The following GRID2 variants were observed in gnomAD, a reference collection of about 807,000 sequenced individuals.
GRID2 encodes the protein glutamate receptor ionotropic, delta-2.
GRID2 carries 33 observed loss-of-function variants against 114.8 expected under a neutral mutation model. That is an observed-to-expected ratio of 0.29 (90% CI 0.22 to 0.38). The LOEUF is 0.38. GRID2 is among the 10% of genes least tolerant of loss of function. GRID2 has a pLI of 1.00. For synonymous variants in GRID2, 505 were observed against 449.9 expected (o/e 1.12, Z -1.55); for missense variants, 1,184 against 1,257.7 (o/e 0.94, Z 0.89).
chr4:93,659,182 AAAC>A (rs1434895476), intron 14 of GRID2, among the ~76,000 whole-genome samples: 3 of 152,150 alleles, frequency 2.0e-5, no homozygotes, highest in Non-Finnish European at 4.4e-5. Context: ...AAAGTGCCAA[AAAC>A]TGGAAGTAAA....
intron 4 of GRID2, among the ~76,000 whole-genome samples, chr4:93,152,256 T>A (rs980113531): frequency 1.1e-4 from 17 of 152,284 alleles, no homozygotes; most frequent in Non-Finnish European, 2.1e-4. Context: ...TGTTTACTAA[T>A]TTTAAAGTAG....
chr4:92,336,867 C>T (rs1192428150), intron 1 of GRID2, among the ~76,000 whole-genome samples: 1 of 151,828 alleles, frequency 6.6e-6, no homozygotes, highest in Admixed American at 6.6e-5. Flanking sequence ...AAACATCACA[C>T]CCATCATGCC....
At chr4:92,576,491 C>T (rs1447972244) in intron 1 of GRID2, among the ~76,000 whole-genome samples, 1 of 152,126 alleles carries the variant, frequency 6.6e-6, no homozygotes, top group Non-Finnish European at 1.5e-5. Context: ...TGGCACTGCT[C>T]GGCTCCCTGG....
intron 1 of GRID2, among the ~76,000 whole-genome samples, chr4:92,315,616 T>G (rs2110116271): frequency 6.6e-6 from 1 of 152,266 alleles, no homozygotes; most frequent in South Asian, 2.1e-4. Flanking sequence ...TGTCATTGAT[T>G]GACTTAGTAT....
chr4:93,569,723 C>T (rs552361861), intron 13 of GRID2, among the ~76,000 whole-genome samples: 2 of 152,210 alleles, frequency 1.3e-5, no homozygotes, highest in South Asian at 2.1e-4. Context: ...TTCCTTCAGC[C>T]GCACTGGTCT....
At chr4:92,368,285 G>A (rs914661917) in intron 1 of GRID2, among the ~76,000 whole-genome samples, 1 of 152,082 alleles carries the variant, frequency 6.6e-6, no homozygotes, top group African/African-American at 2.4e-5. Flanking sequence ...TCAGGACCTA[G>A]AGTTGTCCTT....
At chr4:92,765,187 T>C (rs1738201639) in intron 2 of GRID2, among the ~76,000 whole-genome samples, 1 of 152,166 alleles carries the variant, frequency 6.6e-6, no homozygotes, top group Admixed American at 6.5e-5. Context: ...TGTTTCTCAA[T>C]AAACTTAGAT....
At chr4:92,331,032 G>A (rs1467081410) in intron 1 of GRID2, among the ~76,000 whole-genome samples, 1 of 152,034 alleles carries the variant, frequency 6.6e-6, no homozygotes, top group African/African-American at 2.4e-5. Context: ...CACTGTGGAG[G>A]TACTATATTA....
At chr4:92,706,724 C>G (rs1734975315) in intron 2 of GRID2, among the ~76,000 whole-genome samples, 1 of 152,160 alleles carries the variant, frequency 6.6e-6, no homozygotes, top group South Asian at 2.1e-4. Context: ...ATTATCAGAA[C>G]CTAGACCCAA....
chr4:93,529,431 CG>C, intron 13 of GRID2, among the ~76,000 whole-genome samples: 1 of 152,226 alleles, frequency 6.6e-6, no homozygotes, highest in Non-Finnish European at 1.5e-5. Flanking sequence ...TTAGAGCCCA[CG>C]GCAGAACTAC....
At chr4:93,194,465 T>A (rs1056351427) in intron 4 of GRID2, among the ~76,000 whole-genome samples, 1 of 152,206 alleles carries the variant, frequency 6.6e-6, no homozygotes, top group Non-Finnish European at 1.5e-5. Flanking sequence ...TTGTCTTTCC[T>A]TCTATGGAAA....
chr4:93,356,697 CGT>C (rs1160351859), intron 8 of GRID2, among the ~76,000 whole-genome samples: 2 of 151,666 alleles, frequency 1.3e-5, no homozygotes, highest in Non-Finnish European at 2.9e-5. Flanking sequence ...TAAAACATAA[CGT>C]GTAAACAAAA....
chr4:92,960,467 G>T (rs573678154), intron 2 of GRID2, among the ~76,000 whole-genome samples: 1 of 152,054 alleles, frequency 6.6e-6, no homozygotes, highest in African/African-American at 2.4e-5. Context: ...ACATATTAAG[G>T]ACTGTCATGT....
intron 2 of GRID2, among the ~76,000 whole-genome samples, chr4:92,908,548 C>A (rs1188396713): frequency 8.8e-6 from 1 of 113,254 alleles, no homozygotes; most frequent in African/African-American, 3.6e-5. Flanking sequence ...GACGACAGAG[C>A]AAGACTCCAT....
At chr4:93,645,124 A>C (rs1022082549) in intron 14 of GRID2, among the ~76,000 whole-genome samples, 9 of 152,194 alleles carry the variant, frequency 5.9e-5, no homozygotes, top group African/African-American at 2.2e-4. Flanking sequence ...GAGTGAAGGC[A>C]AAAGAAATGA....
chr4:93,524,755 G>A (rs181418626), intron 13 of GRID2, among the ~76,000 whole-genome samples: 1,638 of 128,064 alleles, frequency 0.013, 16 homozygotes, highest in Middle Eastern at 0.018. Context: ...TGTTTTTCTA[G>A]ATGCCAAGAA....
intron 2 of GRID2, among the ~76,000 whole-genome samples, chr4:93,034,262 T>G (rs1416648590): frequency 6.6e-6 from 1 of 152,132 alleles, no homozygotes; most frequent in African/African-American, 2.4e-5. Flanking sequence ...AATACCACAG[T>G]GGTTCTCAAA....
rs1730063091 is a variant in GRID2 at position 93,083,539 on chromosome 4, CA to C, written c.245-1449del. Among the ~76,000 whole-genome samples the C allele has an allele frequency of 4.6e-5, 7 of 151,132 alleles. No individual in the cohort carries two copies. In the South Asian group the frequency reaches 1.5e-3, roughly 32 times the overall value. On this transcript the variant is annotated intron_variant, in intron 2 of 15. Coordinates refer to ENST00000282020, the MANE Select transcript of GRID2 (RefSeq NM_001510.4). ...AAACTCCGTCTCTACTAAAAACACA[CA>C]AAAAAATCAGCTGGGCTTGGTGGCA...
chr4:92,493,902 A>G (rs936512160), intron 1 of GRID2, among the ~76,000 whole-genome samples: 1 of 152,168 alleles, frequency 6.6e-6, no homozygotes, highest in African/African-American at 2.4e-5. Flanking sequence ...CATCACATAC[A>G]TTGACTTAAC....
Sources: allele counts gnomAD v4.1 joint callset (sites outside exome capture counted in the v4.1 genomes callset), GRCh38; gene constraint gnomAD v4.1.1; transcripts MANE v1.5; gene names NCBI Gene and HGNC (gene_info 2026-07-23, HGNC 2026-07-21).